PRKCB: variants seen among roughly 807,000 people sequenced by gnomAD.
PRKCB encodes protein kinase C beta type.
A neutral mutation model predicts 81.5 loss-of-function variants in PRKCB; 13 were observed. The ratio of observed to expected loss-of-function variants is 0.16; its 90% CI spans 0.10 to 0.25. The LOEUF (loss-of-function observed/expected upper bound fraction) is 0.25, where lower values mean the gene tolerates loss of function less well. Among genes scored for constraint, PRKCB ranks in the 10% least tolerant of loss-of-function variants. The pLI is 1.00. For missense variants in PRKCB, 509 were observed against 875.7 expected, an observed-to-expected ratio of 0.58 and a Z score of 5.29; for synonymous variants, 335 against 321.4, an observed-to-expected ratio of 1.04 and a Z score of -0.45.
chr16:24,185,031 T>C lies in PRKCB; in HGVS notation c.1534-80T>C. The C allele has an allele frequency of 9.8e-6, 12 of 1,218,562 alleles. No individual in the cohort carries two copies. The South Asian group carries it at 1.2e-4, about 12-fold the overall frequency. The allele number at this position is 1,218,562 out of a possible 1,614,324, so 75.5% of individuals were successfully genotyped here. A position where few individuals can be genotyped will look rare whatever the true frequency, so the allele number is the denominator to read the frequency against. ...ACAGTTCAGGTGGGCACTGGCCTTCTTGTAAAAGAAGAGTGAAATCTGTCT... is the reference window on the plus strand; with the variant it reads ...ACAGTTCAGGTGGGCACTGGCCTTCCTGTAAAAGAAGAGTGAAATCTGTCT... On this transcript the variant is annotated intron_variant, in intron 13 of 16. Coordinates refer to ENST00000643927, the MANE Select transcript of PRKCB (RefSeq NM_002738.7).
intron 9 of PRKCB, among the ~76,000 whole-genome samples, chr16:24,128,398 C>A (rs1271618108): frequency 2.0e-5 from 3 of 149,466 alleles, no homozygotes; most frequent in South Asian, 2.1e-4. Context: ...AACAACAGCC[C>A]CACTAATAAT....
At chr16:23,877,175 C>T (rs1483015747) in intron 2 of PRKCB, among the ~76,000 whole-genome samples, 1 of 151,896 alleles carries the variant, frequency 6.6e-6, no homozygotes, top group Non-Finnish European at 1.5e-5. Context: ...CATAGTGAGA[C>T]CCTGTCCTTA....
intron 10 of PRKCB, among the ~76,000 whole-genome samples, chr16:24,162,498 G>A (rs887642472): frequency 1.4e-5 from 2 of 147,162 alleles, no homozygotes; most frequent in African/African-American, 2.6e-5. Context: ...ACCCAGGCTG[G>A]AGTGCAGTGG....
intron 16 of PRKCB, among the ~76,000 whole-genome samples, chr16:24,202,267 T>G (rs1456451344): frequency 6.6e-6 from 1 of 152,194 alleles, no homozygotes; most frequent in African/African-American, 2.4e-5. Context: ...TACCTTACTT[T>G]GCATACAAAC....
intron 16 of PRKCB, among the ~76,000 whole-genome samples, chr16:24,202,097 C>A (rs536942348): frequency 7.9e-5 from 12 of 152,178 alleles, no homozygotes; most frequent in Admixed American, 7.9e-4. Context: ...AAAGACAATG[C>A]CTGCTGGCTG....
At chr16:23,983,694 G>T (rs1035056337) in intron 2 of PRKCB, among the ~76,000 whole-genome samples, 2 of 151,898 alleles carry the variant, frequency 1.3e-5, no homozygotes, top group Non-Finnish European at 2.9e-5. Flanking sequence ...GTCTCCAAAG[G>T]GGATAAAGAT....
At chr16:24,174,675 C>CG in intron 12 of PRKCB, 95 bp downstream of exon 12, 1 of 1,209,220 alleles carries the variant, frequency 8.3e-7, no homozygotes, top group Non-Finnish European at 1.2e-6. Context: ...TTAGAATCCG[C>CG]GGTGGGGGAG....
intron 11 of PRKCB, 64 bp from the exon 12 acceptor site, chr16:24,174,454 A>G: frequency 1.4e-6 from 2 of 1,415,992 alleles, no homozygotes; most frequent in African/African-American, 1.4e-5. Flanking sequence ...TTGAATTCTG[A>G]GCATTGCCAA....
intron 3 of PRKCB, among the ~76,000 whole-genome samples, chr16:23,995,058 C>G (rs192874972): frequency 1.3e-5 from 2 of 152,244 alleles, no homozygotes; most frequent in South Asian, 4.2e-4. Context: ...AATTTAGGGA[C>G]CTTCTTCCTC....
intron 2 of PRKCB, among the ~76,000 whole-genome samples, chr16:23,861,008 C>T (rs1962655586): frequency 6.6e-6 from 1 of 152,120 alleles, no homozygotes. Context: ...ATGCAAATCT[C>T]CCTTTTAAGC....
intron 5 of PRKCB, among the ~76,000 whole-genome samples, chr16:24,056,781 A>G (rs1285193530): frequency 6.6e-6 from 1 of 152,200 alleles, no homozygotes; most frequent in Non-Finnish European, 1.5e-5. Flanking sequence ...CCAGAAGTGG[A>G]TGCCAGCACC....
At chr16:24,139,043 G>C (rs975665717) in intron 9 of PRKCB, among the ~76,000 whole-genome samples, 1 of 151,758 alleles carries the variant, frequency 6.6e-6, no homozygotes, top group Non-Finnish European at 1.5e-5. Flanking sequence ...GTAGAGACAG[G>C]GTTTCACCAT....
chr16:24,066,498 C>T (rs142169609), intron 5 of PRKCB, among the ~76,000 whole-genome samples: 12 of 152,242 alleles, frequency 7.9e-5, no homozygotes, highest in East Asian at 1.9e-4. Context: ...ATAGACTTCC[C>T]GTATACCTTT....
intron 2 of PRKCB, among the ~76,000 whole-genome samples, chr16:23,845,292 T>C (rs1437253888): frequency 2.0e-5 from 3 of 151,976 alleles, no homozygotes; most frequent in Admixed American, 6.6e-5. Context: ...TTGAAGAAAA[T>C]GGACTGGGTA....
chr16:24,155,763 T>G (rs1967147184), intron 10 of PRKCB, among the ~76,000 whole-genome samples: 1 of 152,244 alleles, frequency 6.6e-6, no homozygotes, highest in African/African-American at 2.4e-5. Context: ...AATTCTTTTC[T>G]TTTATCTGTT....
chr16:23,955,950 A>G (rs1317180474), intron 2 of PRKCB, among the ~76,000 whole-genome samples: 1 of 149,258 alleles, frequency 6.7e-6, no homozygotes, highest in African/African-American at 2.5e-5. Flanking sequence ...TTAATCACCA[A>G]AAGAAGCACT....
chr16:24,188,088 T>G (rs761288546), intron 15 of PRKCB, among the ~76,000 whole-genome samples: 19 of 152,232 alleles, frequency 1.2e-4, no homozygotes, highest in Non-Finnish European at 2.5e-4. Flanking sequence ...AAAGAGCATT[T>G]TCCAGGTCAG....
chr16:24,049,851 TG>T (rs1965819281), intron 5 of PRKCB, among the ~76,000 whole-genome samples: 1 of 152,182 alleles, frequency 6.6e-6, no homozygotes, highest in Non-Finnish European at 1.5e-5. Flanking sequence ...CCCACGCCTG[TG>T]TATCGCTCAG....
intron 10 of PRKCB, among the ~76,000 whole-genome samples, chr16:24,168,541 CTT>C (rs56671761): frequency 7.2e-4 from 55 of 76,342 alleles, no homozygotes; most frequent in African/African-American, 1.7e-3. Context: ...TCTTCTTCTA[CTT>C]TTTTTTTTTT....
Sources: allele counts gnomAD v4.1 joint callset (sites outside exome capture counted in the v4.1 genomes callset), GRCh38; gene constraint gnomAD v4.1.1; transcripts MANE v1.5; gene names NCBI Gene and HGNC (gene_info 2026-07-23, HGNC 2026-07-21).